Variants in GGA3 observed in about 807,000 individuals in gnomAD.
GGA3 encodes the protein golgi associated, gamma adaptin ear containing, ARF binding protein 3.
A neutral mutation model predicts 77.5 loss-of-function variants in GGA3; 57 were observed. The observed-to-expected ratio is 0.74, with a 90% confidence interval of 0.59 to 0.92. The LOEUF (loss-of-function observed/expected upper bound fraction) is 0.92. Among genes scored for constraint, GGA3 ranks in the 40% least tolerant of loss-of-function variants. The probability of loss-of-function intolerance (pLI) is 0.00; values close to 1 mark genes in which losing one functional copy is unlikely to be tolerated. For synonymous variants in GGA3, 416 were observed against 383.7 expected, an observed-to-expected ratio of 1.08 and a Z score of -0.98; for missense variants, 970 against 914.9, an observed-to-expected ratio of 1.06 and a Z score of -0.78.
chr17:75,248,810 AAAAAAC>A, intron 1 of GGA3: 2 of 794,052 alleles, frequency 2.5e-6, no homozygotes, highest in East Asian at 3.2e-4. Context: ...ACAAAAACAA[AAAAAAC>A]AAAACAAAAA....
chr17:75,247,729 GTATC>G (rs2076807298), intron 1 of GGA3, among the ~76,000 whole-genome samples: 1 of 152,166 alleles, frequency 6.6e-6, no homozygotes, highest in South Asian at 2.1e-4. Flanking sequence ...TGCAGCTTGA[GTATC>G]TAGCACCCCC....
rs1249907641 is a variant in GGA3 at position 75,242,882 on chromosome 17, G to A, written c.558C>T (p.Asn186=). 1 of 1,614,070 alleles carries A rather than the reference G, an allele frequency of 6.2e-7. No individual in the cohort carries two copies. The highest frequency in any genetic ancestry group is 1.1e-5 in the South Asian group (1 of 91,088). Residue 186 remains asparagine (N), a synonymous_variant, in exon 7 of 17, where the codon AAC becomes AAT. Transcript: ENST00000537686. ...TGTTGGCCTCCTGCAGGTCATCTGGGTTTTTGCTTTTCAGCAGCTTGGCTA... is the reference window on the plus strand; with the variant it reads ...TGTTGGCCTCCTGCAGGTCATCTGGATTTTTGCTTTTCAGCAGCTTGGCTA... The part of the protein sequence containing the change: ...KLLAKLLKSK[N]PDDLQEANKL...
rs751006089 is a variant in GGA3 at position 75,240,833 on chromosome 17, C to T, written c.1171G>A (p.Asp391Asn). The T allele has an allele frequency of 6.8e-6, 11 of 1,612,414 alleles. No individual in the cohort carries two copies. Among genetic ancestry groups the T allele is most frequent in the Non-Finnish European group, 9.3e-6 (11 of 1,179,720 alleles). The change falls in exon 11 of 17, where the codon GAC becomes AAC. Residue 391 changes from aspartate (D) to asparagine (N), a missense_variant. By Grantham distance (23) the Asp-to-Asn change is conservative (BLOSUM62 1). Coordinates refer to ENST00000537686, the MANE Select transcript of GGA3 (RefSeq NM_138619.4). ...GCACCCAAGCAGAGTAGCTCCTCGTCCAGCCAGGAGAGGGCGTTGCTTGTG... is the reference window on the plus strand; with the variant it reads ...GCACCCAAGCAGAGTAGCTCCTCGTTCAGCCAGGAGAGGGCGTTGCTTGTG... ...SSTSNALSWLDEELLCLGLAD... is the reference protein window; with the variant it reads ...SSTSNALSWLNEELLCLGLAD...
At chr17:75,260,103 C>T (rs1477966530) in intron 1 of GGA3, among the ~76,000 whole-genome samples, 1 of 152,138 alleles carries the variant, frequency 6.6e-6, no homozygotes, top group Non-Finnish European at 1.5e-5. Flanking sequence ...GAGCTATGAT[C>T]GCACCCCTGC....
chr17:75,246,255 T>C (rs909348389), intron 3 of GGA3, among the ~76,000 whole-genome samples: 2 of 152,196 alleles, frequency 1.3e-5, no homozygotes, highest in African/African-American at 4.8e-5. Flanking sequence ...CCTTAGCCCC[T>C]CTGCCTCACA....
rs776778809 is a variant in GGA3 at position 75,238,283 on chromosome 17, A to AGGTT, written c.2164_2167dup (p.Leu723GlnfsTer20). On this transcript the variant is annotated frameshift_variant, in exon 17 of 17. Coordinates refer to ENST00000537686, the MANE Select transcript of GGA3 (RefSeq NM_138619.4). LOFTEE classifies it high-confidence loss of function. ...AGATCACAGCGTCCTCTGGGGTCAT[A>AGGTT]GGTTCCCCCACTGTTCCACAGGAGG... 1 of 1,612,686 alleles carries AGGTT rather than the reference A, an allele frequency of 6.2e-7. No homozygotes were observed. The highest frequency in any genetic ancestry group is 8.5e-7 in the Non-Finnish European group (1 of 1,179,350).
intron 6 of GGA3, 28 bp downstream of exon 6, chr17:75,243,035 A>AG: frequency 6.4e-7 from 1 of 1,571,000 alleles, no homozygotes; most frequent in Non-Finnish European, 8.8e-7. Context: ...CTCGTATGAG[A>AG]AAATCCCAGG....
At position 75,238,290 on chromosome 17, in the gene GGA3, C is replaced by T. The variant is rs1017467557; in HGVS notation, c.2161G>A (p.Gly721Arg). The T allele has an allele frequency of 6.2e-7, 1 of 1,613,652 alleles. No individual in the cohort carries two copies. The highest frequency in any genetic ancestry group is 2.2e-5 in the East Asian group (1 of 44,856). Residue 721 changes from glycine to arginine, a missense_variant, in exon 17 of 17, where the codon GGG becomes AGG. Gly to Arg is a moderately radical substitution (Grantham distance 125, BLOSUM62 -2). Transcript: ENST00000537686. ...VDQFPPVEQW[G>R]NL ...AGCGTCCTCTGGGGTCATAGGTTCC[C>T]CCACTGTTCCACAGGAGGGAACTGG...
chr17:75,261,240 C>T (rs2077359433), intron 1 of GGA3, among the ~76,000 whole-genome samples: 1 of 152,230 alleles, frequency 6.6e-6, no homozygotes, highest in South Asian at 2.1e-4. Context: ...CCCAAAGCGC[C>T]GAAGCATGTC....
Position 75,238,930 on chromosome 17 carries a change from T to C in GGA3, c.1934A>G (p.Gln645Arg). 1 of 1,614,060 alleles carries C rather than the reference T, an allele frequency of 6.2e-7. No individual in the cohort carries two copies. The highest frequency in any genetic ancestry group is 8.5e-7 in the Non-Finnish European group (1 of 1,179,972). ...APLPVKSIVL[Q>R]AAVPKSMKVK... Reference sequence around the variant, plus strand: ...CACTGGTACCTTGGGCACTGCAGCCTGCAGCACGATGCTCTTGACAGGTAA... The same window carrying C: ...CACTGGTACCTTGGGCACTGCAGCCCGCAGCACGATGCTCTTGACAGGTAA... Residue 645 changes from glutamine to arginine, a missense_variant, in exon 15 of 17, where the codon CAG becomes CGG. Coordinates refer to ENST00000537686, the MANE Select transcript of GGA3 (RefSeq NM_138619.4).
Position 75,238,335 on chromosome 17 carries a change from T to C in GGA3, c.2116A>G (p.Thr706Ala). The C allele has an allele frequency of 6.2e-7, 1 of 1,613,930 alleles. No homozygotes were observed. ...AACTGGTCCACCTCGCCCACCTCTG[T>C]GCTCAGCTGCTCCCCCAGGGCGAAG... ...LTFALGEQLS[T>A]EVGEVDQFPP... The change falls in exon 17 of 17, where the codon ACA becomes GCA. Residue 706 changes from threonine to alanine, a missense_variant. Coordinates refer to ENST00000537686, the MANE Select transcript of GGA3 (RefSeq NM_138619.4).
At position 75,239,081 on chromosome 17, in the gene GGA3, T is replaced by A; in HGVS notation, c.1783A>T (p.Ser595Cys). 6.2e-7 allele frequency: 1 copy of A among 1,612,510 alleles called. No homozygotes were observed. ...HVPLESIKPS[S>C]ALPVTAYDKN... Reference sequence around the variant, plus strand: ...TCGTAGGCTGTCACAGGAAGGGCACTGCCTGTAAGAACGTGACGTGAGTGT... The same window carrying A: ...TCGTAGGCTGTCACAGGAAGGGCACAGCCTGTAAGAACGTGACGTGAGTGT... Residue 595 changes from serine to cysteine, a missense_variant and splice_region_variant, in exon 15 of 17, where the codon AGT (serine) becomes TGT (cysteine). Coordinates refer to ENST00000537686, the MANE Select transcript of GGA3 (RefSeq NM_138619.4).
intron 1 of GGA3, among the ~76,000 whole-genome samples, chr17:75,257,330 C>T (rs2077191905): frequency 7.0e-6 from 1 of 142,106 alleles, no homozygotes; most frequent in South Asian, 2.4e-4. Flanking sequence ...TCTGTCTAGT[C>T]ATACTCCTAT....
At chr17:75,261,662 G>A (rs1220840950), upstream of GGA3, 32 of 1,387,548 alleles carry the variant, frequency 2.3e-5, no homozygotes, top group East Asian at 5.1e-5. Context: ...GGGCCTGCAT[G>A]GGGTCCTGAG....
chr17:75,240,314 A>T, intron 12 of GGA3, 28 bp downstream of exon 12: 1 of 1,488,120 alleles, frequency 6.7e-7, no homozygotes, highest in Non-Finnish European at 9.3e-7. Context: ...TTGGCACAGT[A>T]GTGCTGTCAC....
chr17:75,238,218 CCCT>C lies in GGA3; in HGVS notation c.*58_*60del, dbSNP rs1351807948. The C allele has an allele frequency of 4.5e-5, 71 of 1,586,746 alleles. No homozygotes were observed. The highest frequency in any genetic ancestry group is 5.8e-5 in the Non-Finnish European group (67 of 1,164,078). ...GGCATGGAGAGTGACGGGACCAGAG[CCCT>C]CCTCGTCTCAGGGCAGCCTGCCTGG... On this transcript the variant is annotated 3_prime_UTR_variant, in exon 17 of 17. Transcript: ENST00000537686.
chr17:75,242,247 C>G, intron 8 of GGA3, 89 bp downstream of exon 8: 1 of 1,368,654 alleles, frequency 7.3e-7, no homozygotes, highest in South Asian at 1.2e-5. Context: ...GCCCGTGTCT[C>G]TGACAAGGCA....
intron 1 of GGA3, among the ~76,000 whole-genome samples, chr17:75,258,978 G>A (rs149065499): frequency 0.011 from 1,617 of 148,368 alleles, 13 homozygotes; most frequent in Non-Finnish European, 0.018. Flanking sequence ...TTTGGAGACG[G>A]AGTCTCGCTC....
chr17:75,245,443 G>A (rs1373775622), intron 3 of GGA3, among the ~76,000 whole-genome samples: 2 of 152,174 alleles, frequency 1.3e-5, no homozygotes, highest in South Asian at 2.1e-4. Context: ...CCCCCACCCC[G>A]ATGTGTGACA....
Sources: allele counts gnomAD v4.1 joint callset (sites outside exome capture counted in the v4.1 genomes callset), GRCh38; gene constraint gnomAD v4.1.1; transcripts MANE v1.5; gene names NCBI Gene and HGNC (gene_info 2026-07-23, HGNC 2026-07-21).